PNPLA8: variants seen among roughly 807,000 people sequenced by gnomAD.
The protein encoded by PNPLA8 is patatin like domain 8, phospholipase A2, also known as calcium-independent phospholipase A2-gamma.
In PNPLA8, 39 loss-of-function variants were observed where a neutral mutation model predicts 76.9. That is an observed-to-expected ratio of 0.51 (90% CI 0.39 to 0.66). PNPLA8 has a LOEUF of 0.66. Ranked by LOEUF, PNPLA8 falls within the 30% of genes least tolerant of loss-of-function variation. The probability of loss-of-function intolerance (pLI) is 0.00; values close to 1 mark genes in which losing one functional copy is unlikely to be tolerated. For synonymous variants in PNPLA8, 301 were observed against 307.9 expected (o/e 0.98, Z 0.24); for missense variants, 887 against 918.0 (o/e 0.97, Z 0.44).
At chr7:108,504,452 T>C (rs1257999149) in intron 4 of PNPLA8, among the ~76,000 whole-genome samples, 2 of 152,040 alleles carry the variant, frequency 1.3e-5, no homozygotes, top group African/African-American at 4.8e-5. Context: ...ACACTGAAAA[T>C]TTTTAAAACA....
chr7:108,505,507 C>A (rs1208279250), intron 4 of PNPLA8, among the ~76,000 whole-genome samples: 1 of 149,978 alleles, frequency 6.7e-6, no homozygotes. Context: ...GAACTACAGG[C>A]GCACGCCACC....
rs1164840586 is a variant in PNPLA8, at chr7:108,505,352, A to ATTTT, written c.1207-2714_1207-2711dup. Reference sequence around the variant, plus strand: ...TATATATATATATATATATATATATATTTTTTTTTTTTTTTTTTTTTTTTT... The same window carrying ATTTT: ...TATATATATATATATATATATATATATTTTTTTTTTTTTTTTTTTTTTTTTTTTT... On this transcript the variant is annotated intron_variant, in intron 4 of 10. Transcript: ENST00000257694. 5.0e-4 allele frequency among the ~76,000 whole-genome samples: 7 copies of ATTTT among 13,892 alleles called. 1 individual carries two copies. Among genetic ancestry groups the ATTTT allele is most frequent in the African/African-American group, 1.4e-3 (3 of 2,192 alleles). The allele number at this position is 13,892 out of a possible 152,430, so 9.1% of individuals were successfully genotyped here.
rs932208966 is a variant in PNPLA8 at position 108,526,103 on chromosome 7, G to C, written c.-204C>G. ...CCGGCAATGACGTCCACTCCAACCG[G>C]CCTGCATCAGCTGAGCTTCCAACAC... is the stretch of plus-strand genomic sequence containing the variant. On this transcript the variant is annotated 5_prime_UTR_variant, in exon 1 of 11. Coordinates refer to ENST00000257694, the MANE Select transcript of PNPLA8 (RefSeq NM_001256007.3). The C allele has an allele frequency of 2.0e-6, 2 of 985,482 alleles. No individual in the cohort carries two copies. The highest frequency in any genetic ancestry group is 1.2e-4 in the Admixed American group (2 of 16,270). 61.0% of individuals were successfully genotyped at this position (985,482 alleles called of 1,614,324 possible).
intron 2 of PNPLA8, among the ~76,000 whole-genome samples, chr7:108,516,916 C>CA (rs36120616): frequency 0.32 from 47,458 of 147,810 alleles, 7,545 homozygotes; most frequent in East Asian, 0.41. Context: ...ACAAAACAAA[C>CA]AAAAAAAAAA....
At chr7:108,490,038 A>C (rs938060647) in intron 8 of PNPLA8, among the ~76,000 whole-genome samples, 1 of 152,248 alleles carries the variant, frequency 6.6e-6, no homozygotes, top group African/African-American at 2.4e-5. Context: ...CAGTGGTCCC[A>C]TAAGACTATA....
Position 108,525,900 on chromosome 7 carries a change from G to A in PNPLA8, c.-130+129C>T, listed in dbSNP as rs530537411. The A allele has an allele frequency of 4.1e-5, 11 of 265,816 alleles. No individual in the cohort carries two copies. In the Admixed American group the frequency reaches 5.2e-4, roughly 13 times the overall value. The allele number at this position is 265,816 out of a possible 1,614,324, so 16.5% of individuals were successfully genotyped here. ...CGCCAGCTCCTCCCCAAAGCCTGGC[G>A]TGTCCCCACCCTCTCGCTCGGGAAG... On this transcript the variant is annotated intron_variant, in intron 1 of 10. Transcript: ENST00000257694.
In PNPLA8 at chr7:108,472,645, G is replaced by A; in HGVS notation, c.2105C>T (p.Pro702Leu). 6.3e-7 allele frequency: 1 copy of A among 1,591,964 alleles called. No homozygotes were observed. Among genetic ancestry groups the A allele is most frequent in the Non-Finnish European group, 8.5e-7 (1 of 1,173,876 alleles). Reference protein sequence around the residue: ...EVHIMLDGLLPPDTYFRFNPV... With the variant: ...EVHIMLDGLLLPDTYFRFNPV... ...ATTGAATCTAAAATAGGTGTCAGGA[G>A]GTAACAGGCCATCAAGCATTATATG... The change falls in exon 11 of 11, where the codon CCT (proline) becomes CTT (leucine). Residue 702 changes from proline to leucine, a missense_variant. Pro to Leu is a moderately conservative substitution (Grantham distance 98). Transcript: ENST00000257694.
At chr7:108,524,572 C>G (rs566332658) in intron 1 of PNPLA8, among the ~76,000 whole-genome samples, 1 of 152,178 alleles carries the variant, frequency 6.6e-6, no homozygotes, top group African/African-American at 2.4e-5. Context: ...GGCCTGAAAT[C>G]CCAGCACTTT....
At chr7:108,474,452 C>T (rs1242166929) in intron 10 of PNPLA8, among the ~76,000 whole-genome samples, 1 of 152,174 alleles carries the variant, frequency 6.6e-6, no homozygotes, top group Admixed American at 6.5e-5. Flanking sequence ...ACTCTATAGA[C>T]AACCTGGTTG....
chr7:108,522,541 G>T (rs1280651807), intron 1 of PNPLA8, among the ~76,000 whole-genome samples: 1 of 152,136 alleles, frequency 6.6e-6, no homozygotes, highest in Non-Finnish European at 1.5e-5. Flanking sequence ...GTGACTGATT[G>T]ATGCATTATG....
chr7:108,505,325 TATATATATATATATATATATATA>T (rs1563967487), intron 4 of PNPLA8, among the ~76,000 whole-genome samples: 223 of 9,186 alleles, frequency 0.024, 22 homozygotes, highest in East Asian at 0.046. Context: ...TATATATATA[TATATATATATATATATATATATA>T]TATATTTTTT....
At chr7:108,507,784 T>G (rs1437274619) in intron 4 of PNPLA8, among the ~76,000 whole-genome samples, 1 of 152,158 alleles carries the variant, frequency 6.6e-6, no homozygotes, top group Non-Finnish European at 1.5e-5. Context: ...ACTAAAATAC[T>G]GGCAAACCGA....
rs746708731 is a variant in PNPLA8 at position 108,514,243 on chromosome 7, T to C, written c.1107A>G (p.Ala369=). 2 of 1,611,398 alleles carry C rather than the reference T, an allele frequency of 1.2e-6. No individual in the cohort carries two copies. Among genetic ancestry groups the C allele is most frequent in the Non-Finnish European group, 1.7e-6 (2 of 1,177,490 alleles). ...GCTTTGGGTCAGTTGTTCTTCTTAATGCCTGAACTAATGCCCGGGTCCTGT... is the reference window on the plus strand; with the variant it reads ...GCTTTGGGTCAGTTGTTCTTCTTAACGCCTGAACTAATGCCCGGGTCCTGT... ...IDNRTRALVQ[A]LRRTTDPKLC... is the part of the protein sequence containing the mutation. Residue 369 remains alanine (A), a synonymous_variant, in exon 4 of 11, where the codon GCA becomes GCG. Transcript: ENST00000257694.
At chr7:108,498,312 G>C (rs1235855120) in intron 5 of PNPLA8, among the ~76,000 whole-genome samples, 1 of 151,600 alleles carries the variant, frequency 6.6e-6, no homozygotes, top group East Asian at 1.9e-4. Context: ...TGTTGCCCAG[G>C]CTGGAGTGCA....
intron 4 of PNPLA8, chr7:108,511,055 A>T (rs1598951429): frequency 1.4e-6 from 1 of 694,580 alleles, no homozygotes; most frequent in Non-Finnish European, 2.4e-6. Context: ...AAAAAAAAAA[A>T]AAAAGAAAAC....
intron 9 of PNPLA8, among the ~76,000 whole-genome samples, chr7:108,484,827 A>G (rs529438634): frequency 6.6e-6 from 1 of 152,172 alleles, no homozygotes; most frequent in Non-Finnish European, 1.5e-5. Context: ...CAATATGCCA[A>G]CTATGGTTAA....
At position 108,472,460 on chromosome 7, in the gene PNPLA8, CATT is replaced by C. The variant is rs1859686045; in HGVS notation, c.2287_2289del (p.Asn763del). On this transcript the variant is annotated inframe_deletion, in exon 11 of 11. Coordinates refer to ENST00000257694, the MANE Select transcript of PNPLA8 (RefSeq NM_001256007.3). ...ATATCAGTTTTTAATTTTATCCAATCATTAATTTTCTGCAGAGTTGTTTTTTCT... is the reference window on the plus strand; with the variant it reads ...ATATCAGTTTTTAATTTTATCCAATCAATTTTCTGCAGAGTTGTTTTTTCT... 1.3e-6 allele frequency: 2 copies of C among 1,597,524 alleles called. No homozygotes were observed. The highest frequency in any genetic ancestry group is 1.1e-5 in the South Asian group (1 of 88,306).
intron 9 of PNPLA8, among the ~76,000 whole-genome samples, chr7:108,484,287 T>C (rs1860593425): frequency 1.3e-5 from 2 of 152,226 alleles, no homozygotes; most frequent in South Asian, 4.1e-4. Context: ...TCTTTTAAGC[T>C]CTGCTTATAG....
intron 2 of PNPLA8, among the ~76,000 whole-genome samples, chr7:108,519,952 C>A (rs367939184): frequency 6.6e-6 from 1 of 152,318 alleles, no homozygotes; most frequent in East Asian, 1.9e-4. Context: ...ACAAGTTCGT[C>A]TCTGTCCTTC....
Sources: gnomAD v4.1 joint callset for allele counts (sites outside exome capture counted in the v4.1 genomes callset) on GRCh38, gnomAD v4.1.1 for gene constraint, MANE v1.5 for transcripts, NCBI Gene and HGNC (gene_info 2026-07-23, HGNC 2026-07-21) for gene names.